Variants in PRKCA observed in about 807,000 individuals in gnomAD.
PRKCA encodes protein kinase C alpha type.
Under a neutral mutation model 87.0 loss-of-function variants are expected in PRKCA, and 27 were observed. The observed-to-expected ratio is 0.31, with a 90% CI of 0.23 to 0.43. PRKCA has a LOEUF of 0.43. Ranked by LOEUF, PRKCA falls within the 20% of genes least tolerant of loss-of-function variation. The pLI is 1.00. For missense variants in PRKCA, 518 were observed against 852.3 expected, an observed-to-expected ratio of 0.61 and a Z score of 4.88; for synonymous variants, 329 against 311.1, an observed-to-expected ratio of 1.06 and a Z score of -0.61.
intron 3 of PRKCA, among the ~76,000 whole-genome samples, chr17:66,527,492 T>C (rs975411570): frequency 5.9e-5 from 9 of 152,186 alleles, no homozygotes; most frequent in African/African-American, 2.2e-4. Flanking sequence ...TGTTAGACAA[T>C]AGGGTGATTA....
At chr17:66,391,625 AAC>A (rs956526774) in intron 2 of PRKCA, among the ~76,000 whole-genome samples, 5 of 152,206 alleles carry the variant, frequency 3.3e-5, no homozygotes, top group African/African-American at 9.6e-5. Flanking sequence ...ACCAAAAAAC[AAC>A]AGTTTTTTAC....
chr17:66,324,821 A>G (rs1194910955), intron 2 of PRKCA, among the ~76,000 whole-genome samples: 1 of 152,048 alleles, frequency 6.6e-6, no homozygotes, highest in Non-Finnish European at 1.5e-5. Flanking sequence ...GGCAGATAAC[A>G]CTCATTAGTC....
intron 14 of PRKCA, chr17:66,777,472 G>C: frequency 3.1e-6 from 3 of 958,910 alleles, no homozygotes; most frequent in Non-Finnish European, 3.6e-6. Context: ...AAATACGTCC[G>C]GGTGTAAACA....
At chr17:66,503,230 C>T (rs56048603) in intron 3 of PRKCA, among the ~76,000 whole-genome samples, 2,557 of 152,170 alleles carry the variant, frequency 0.017, 82 homozygotes, top group African/African-American at 0.057. Context: ...TGTGTTTTTA[C>T]CAGTGACTCT....
At position 66,803,787 on chromosome 17, in the gene PRKCA, G is replaced by A; in HGVS notation, c.1855-86G>A. 1 of 1,550,670 alleles carries A rather than the reference G, an allele frequency of 6.4e-7. No homozygotes were observed. Among genetic ancestry groups the A allele is most frequent in the Admixed American group, 1.8e-5 (1 of 56,380 alleles). ...CCAGCCCGGAGTTCCCCAGGGCCGT[G>A]CCCCTCCCCAGAGAGGGCCCTCGGA... On this transcript the variant is annotated intron_variant, in intron 16 of 16. Coordinates refer to ENST00000413366, the MANE Select transcript of PRKCA (RefSeq NM_002737.3). The surrounding 1 kb of genome is among the most constrained non-coding windows in gnomAD (Gnocchi z 4.4).
chr17:66,448,998 AAG>A (rs1476646537), intron 2 of PRKCA, among the ~76,000 whole-genome samples: 1 of 135,520 alleles, frequency 7.4e-6, no homozygotes, highest in Non-Finnish European at 1.6e-5. Flanking sequence ...AAAAAAAAAA[AAG>A]GTGGCCAGGT....
intron 2 of PRKCA, among the ~76,000 whole-genome samples, chr17:66,336,665 A>G (rs1267186213): frequency 4.4e-5 from 6 of 137,328 alleles, no homozygotes; most frequent in Admixed American, 1.4e-4. Context: ...ATTTGCCTAT[A>G]TAGTAAATTA....
At chr17:66,474,305 A>G (rs76314301) in intron 2 of PRKCA, among the ~76,000 whole-genome samples, 4,561 of 152,272 alleles carry the variant, frequency 0.03, 233 homozygotes, top group African/African-American at 0.1. Flanking sequence ...ATGTGCATGC[A>G]TGAACAAGAG....
intron 3 of PRKCA, among the ~76,000 whole-genome samples, chr17:66,545,246 G>C (rs570970834): frequency 1.8e-4 from 28 of 152,170 alleles, no homozygotes; most frequent in South Asian, 4.1e-4. Flanking sequence ...GGCTAACACG[G>C]TGAAACCCCG....
intron 2 of PRKCA, chr17:66,340,135 A>G (rs1906950727): frequency 6.6e-6 from 1 of 152,206 alleles, no homozygotes; most frequent in African/African-American, 2.4e-5. Context: ...GTATTGTATT[A>G]AACTCTTTGG....
chr17:66,380,338 A>G (rs933827866), intron 2 of PRKCA, among the ~76,000 whole-genome samples: 10 of 152,152 alleles, frequency 6.6e-5, no homozygotes, highest in African/African-American at 2.4e-4. Flanking sequence ...CTCAGGGAGT[A>G]AGTGATGTAT....
At chr17:66,429,354 A>G (rs1308506004) in intron 2 of PRKCA, among the ~76,000 whole-genome samples, 9 of 152,156 alleles carry the variant, frequency 5.9e-5, no homozygotes, top group Non-Finnish European at 1.0e-4. Flanking sequence ...GAATGCATAC[A>G]TGGGGTTTTA....
intron 3 of PRKCA, among the ~76,000 whole-genome samples, chr17:66,519,174 T>G (rs1043594799): frequency 6.6e-6 from 1 of 151,990 alleles, no homozygotes; most frequent in Non-Finnish European, 1.5e-5. Context: ...AGGGCTGGCT[T>G]ATTGAGAAAG....
At chr17:66,313,558 G>A (rs1469199073) in intron 2 of PRKCA, among the ~76,000 whole-genome samples, 1 of 152,170 alleles carries the variant, frequency 6.6e-6, no homozygotes, top group Admixed American at 6.5e-5. Flanking sequence ...TGTATCATGG[G>A]CTATAGCAGG....
At position 66,705,852 on chromosome 17, in the gene PRKCA, A is replaced by T. The variant is rs118173020; in HGVS notation, c.918+16805A>T. ...CCTAAGAGGAAATTAAAGCCCCCTA[A>T]AATAAAATTAAGGGACCTAGAATAA... On this transcript the variant is annotated intron_variant, in intron 8 of 16. Transcript: ENST00000413366. Among the ~76,000 whole-genome samples, 374 of 152,290 alleles carry T rather than the reference A, an allele frequency of 2.5e-3. 4 individuals carry two copies. The highest frequency in any genetic ancestry group is 6.8e-3 in the East Asian group (35 of 5,172).
intron 2 of PRKCA, among the ~76,000 whole-genome samples, chr17:66,454,460 G>C (rs1366642400): frequency 6.6e-6 from 1 of 152,150 alleles, no homozygotes; most frequent in Non-Finnish European, 1.5e-5. Flanking sequence ...GTTGGAGAAG[G>C]CAGGATCTGG....
At chr17:66,631,523 A>G (rs1368278591) in intron 3 of PRKCA, among the ~76,000 whole-genome samples, 2 of 152,128 alleles carry the variant, frequency 1.3e-5, no homozygotes, top group Non-Finnish European at 2.9e-5. Context: ...GGCTTAAGCA[A>G]TCCTCCTGCC....
chr17:66,511,152 C>G (rs1917211337), intron 3 of PRKCA, among the ~76,000 whole-genome samples: 1 of 152,160 alleles, frequency 6.6e-6, no homozygotes, highest in South Asian at 2.1e-4. Flanking sequence ...AAGTCCCAAG[C>G]CTATTCCTCC....
At chr17:66,496,333 T>TGG (rs1567858708) in intron 3 of PRKCA, 50 bp downstream of exon 3, 2 of 1,486,818 alleles carry the variant, frequency 1.3e-6, no homozygotes, top group Admixed American at 1.7e-5. Context: ...TTTCTGAGCT[T>TGG]TAATTTTTTT....
Sources: gnomAD v4.1 joint callset for allele counts (sites outside exome capture counted in the v4.1 genomes callset) on GRCh38, gnomAD v4.1.1 for gene constraint, Gnocchi (gnomAD v3.1) non-coding constraint, MANE v1.5 for transcripts, NCBI Gene and HGNC (gene_info 2026-07-23, HGNC 2026-07-21) for gene names.